Variants in CD4 observed in about 807,000 individuals in gnomAD.
CD4 encodes the protein T-cell surface glycoprotein CD4.
In CD4, 25 loss-of-function variants were observed where a neutral mutation model predicts 50.5. The ratio of observed to expected loss-of-function variants is 0.49; its 90% CI spans 0.36 to 0.69. CD4 has a LOEUF of 0.69. Among genes scored for constraint, CD4 ranks in the 30% least tolerant of loss-of-function variants. The pLI, the probability that CD4 is intolerant of heterozygous loss-of-function variation, is 0.00. For missense variants in CD4, 456 were observed against 548.5 expected, an observed-to-expected ratio of 0.83 and a Z score of 1.68; for synonymous variants, 207 against 221.9, an observed-to-expected ratio of 0.93 and a Z score of 0.60.
At chr12:6,804,111 AAAATAAATAAATAAATAAAT>A (rs141689932) in intron 3 of CD4, among the ~76,000 whole-genome samples, 30 of 144,688 alleles carry the variant, frequency 2.1e-4, no homozygotes, top group Non-Finnish European at 3.6e-4. Context: ...ACTCTGTCTC[AAAATAAATAAATAAATAAAT>A]AAATAAATAA....
At chr12:6,804,774 T>G (rs1555115894) in intron 3 of CD4, among the ~76,000 whole-genome samples, 3 of 151,944 alleles carry the variant, frequency 2.0e-5, no homozygotes, top group Non-Finnish European at 1.5e-5. Context: ...CCCAACACTT[T>G]GGGAGGCTGA....
chr12:6,818,794 C>A lies in CD4; in HGVS notation c.1279-53C>A. 1 of 1,522,826 alleles carries A rather than the reference C, an allele frequency of 6.6e-7. No individual in the cohort carries two copies. Among genetic ancestry groups the A allele is most frequent in the Non-Finnish European group, 9.1e-7 (1 of 1,096,980 alleles). 94.3% of individuals were successfully genotyped at this position (1,522,826 alleles called of 1,614,324 possible). A position where few individuals can be genotyped will look rare whatever the true frequency, so the allele number is the denominator to read the frequency against. On this transcript the variant is annotated intron_variant, in intron 8 of 9. Transcript: ENST00000011653. The surrounding 1 kb of genome is among the most constrained non-coding windows in gnomAD (Gnocchi z 5.0). ...CCCCACTCCCCCCACCAAGGGGCAC[C>A]TCCCTTCTGGAGGCCTGGGACCCTC... is the stretch of plus-strand genomic sequence containing the variant.
intron 3 of CD4, among the ~76,000 whole-genome samples, chr12:6,808,250 T>A (rs1555116524): frequency 9.3e-3 from 2 of 214 alleles, no homozygotes; most frequent in Admixed American, 0.056. Flanking sequence ...GTCAGGAGAT[T>A]GAGCCACTCT....
chr12:6,803,523 G>A (rs781862961), intron 3 of CD4, among the ~76,000 whole-genome samples: 1 of 151,234 alleles, frequency 6.6e-6, no homozygotes. Flanking sequence ...GGTGGCTCAC[G>A]CCTGTAATCC....
At chr12:6,794,600 G>A (rs1375726423) in intron 1 of CD4, among the ~76,000 whole-genome samples, 5 of 151,906 alleles carry the variant, frequency 3.3e-5, no homozygotes, top group African/African-American at 2.4e-5. Context: ...TCGTACTCCC[G>A]ACCTCAGGTG....
chr12:6,817,410 G>A (rs764154464), intron 7 of CD4, 80 bp downstream of exon 7: 7 of 1,264,120 alleles, frequency 5.5e-6, no homozygotes, highest in East Asian at 2.5e-5. Context: ...CCAGAGTCCC[G>A]GCCTCCCAAT....
chr12:6,790,259 G>A (rs1942117485), intron 1 of CD4, among the ~76,000 whole-genome samples: 1 of 152,090 alleles, frequency 6.6e-6, no homozygotes, highest in Non-Finnish European at 1.5e-5. Flanking sequence ...CATACTTGCA[G>A]CATTTCATAA....
At chr12:6,796,343 C>T (rs1183206507) in intron 1 of CD4, among the ~76,000 whole-genome samples, 2 of 152,186 alleles carry the variant, frequency 1.3e-5, no homozygotes, top group Non-Finnish European at 2.9e-5. Context: ...GCTTCAACGG[C>T]AAAGATGCCA....
chr12:6,790,382 G>A (rs758280360), intron 1 of CD4, among the ~76,000 whole-genome samples: 66 of 152,258 alleles, frequency 4.3e-4, no homozygotes, highest in Non-Finnish European at 8.2e-4. Flanking sequence ...ATGTCTAAAG[G>A]CACTTCTACT....
In CD4 at chr12:6,818,805, A is replaced by G; in HGVS notation, c.1279-42A>G. 6.4e-7 allele frequency: 1 copy of G among 1,572,910 alleles called. No individual in the cohort carries two copies. The highest frequency in any genetic ancestry group is 8.8e-7 in the Non-Finnish European group (1 of 1,142,572). On this transcript the variant is annotated intron_variant, in intron 8 of 9. Coordinates refer to ENST00000011653, the MANE Select transcript of CD4 (RefSeq NM_000616.5). This position sits in a 1 kb window ranked among gnomAD's most constrained non-coding sequence, Gnocchi z 5.0. Reference sequence around the variant, plus strand: ...CCACCAAGGGGCACCTCCCTTCTGGAGGCCTGGGACCCTCGTGACTCCCTT... The same window carrying G: ...CCACCAAGGGGCACCTCCCTTCTGGGGGCCTGGGACCCTCGTGACTCCCTT...
At chr12:6,813,548 A>G (rs1486822397) in intron 3 of CD4, 3 of 152,228 alleles carry the variant, frequency 2.0e-5, no homozygotes, top group African/African-American at 7.2e-5. Flanking sequence ...CCAAATTAGT[A>G]CACAAAGCAC....
chr12:6,800,239 A>G, intron 2 of CD4, 52 bp downstream of exon 2: 1 of 1,612,824 alleles, frequency 6.2e-7, no homozygotes, highest in Non-Finnish European at 8.5e-7. Context: ...AGGAAAGGCA[A>G]AGGTGGAGGA....
Position 6,800,974 on chromosome 12 carries a change from C to T in CD4, c.214+503C>T, listed in dbSNP as rs112365301. ...AGGCTCCAGTGCAGTGGTGTGATCTCGGCTCACTGCAATCTCCACCTCCCA... is the reference window on the plus strand; with the variant it reads ...AGGCTCCAGTGCAGTGGTGTGATCTTGGCTCACTGCAATCTCCACCTCCCA... On this transcript the variant is annotated intron_variant, in intron 3 of 9. Coordinates refer to ENST00000011653, the MANE Select transcript of CD4 (RefSeq NM_000616.5). Among the ~76,000 whole-genome samples, 1,051 of 151,304 alleles carry T rather than the reference C, an allele frequency of 6.9e-3. 6 individuals are homozygous for T. Among genetic ancestry groups the T allele is most frequent in the African/African-American group, 0.022 (905 of 41,252 alleles).
intron 7 of CD4, among the ~76,000 whole-genome samples, chr12:6,817,615 C>G (rs376483769): frequency 6.6e-6 from 1 of 152,026 alleles, no homozygotes; most frequent in East Asian, 1.9e-4. Context: ...CGAGAGCCCC[C>G]CTCCCTGGCT....
intron 4 of CD4, 126 bp downstream of exon 4, chr12:6,814,426 A>G (rs782401459): frequency 1.8e-5 from 18 of 1,006,162 alleles, no homozygotes; most frequent in Admixed American, 2.8e-5. Flanking sequence ...CAGGCTGTCA[A>G]ACTGGCCTCC....
chr12:6,814,269 G>A lies in CD4; in HGVS notation c.342G>A (p.Gln114=). 1 of 1,614,102 alleles carries A rather than the reference G, an allele frequency of 6.2e-7. No homozygotes were observed. Among genetic ancestry groups the A allele is most frequent in the Non-Finnish European group, 8.5e-7 (1 of 1,179,980 alleles). The change falls in exon 4 of 10, where the codon CAG becomes CAA. Residue 114 remains glutamine, a synonymous_variant. Transcript: ENST00000011653. ...CTTACATCTGTGAAGTGGAGGACCA[G>A]AAGGAGGAGGTGCAATTGCTAGTGT... The part of the protein sequence containing the change: ...SDTYICEVED[Q]KEEVQLLVFG...
chr12:6,818,504 C>G lies in CD4; in HGVS notation c.1240C>G (p.Leu414Val), dbSNP rs1335577758. The change falls in exon 8 of 10, where the codon CTA becomes GTA. Residue 414 changes from leucine (L) to valine (V), a missense_variant. Transcript: ENST00000011653. The surrounding 1 kb of genome is among the most constrained non-coding windows in gnomAD (Gnocchi z 5.0). ...CGCCGGCCTCCTGCTTTTCATTGGG[C>G]TAGGCATCTTCTTCTGTGTCAGGTG... is the stretch of plus-strand genomic sequence containing the variant. Reference protein sequence around the residue: ...GVAGLLLFIGLGIFFCVRCRH... With the variant: ...GVAGLLLFIGVGIFFCVRCRH... The G allele has an allele frequency of 6.2e-7, 1 of 1,613,086 alleles. No individual in the cohort carries two copies. The highest frequency in any genetic ancestry group is 1.3e-5 in the African/African-American group (1 of 75,044).
intron 3 of CD4, among the ~76,000 whole-genome samples, chr12:6,808,783 G>T (rs1555116630): frequency 6.6e-6 from 1 of 152,010 alleles, no homozygotes; most frequent in Non-Finnish European, 1.5e-5. Context: ...CTAAATTATG[G>T]TTTGCATTTT....
chr12:6,816,410 G>C lies in CD4; in HGVS notation c.955+7G>C. 1 of 1,604,506 alleles carries C rather than the reference G, an allele frequency of 6.2e-7. No individual in the cohort carries two copies. The highest frequency in any genetic ancestry group is 8.5e-7 in the Non-Finnish European group (1 of 1,173,916). On this transcript the variant is annotated splice_region_variant and intron_variant, in intron 6 of 9. Transcript: ENST00000011653. This position sits in a 1 kb window ranked among gnomAD's most constrained non-coding sequence, Gnocchi z 4.9. ...AACCTGGTGGTGATGAGAGGTGAGG[G>C]GCCAGGCCAGGGAGGGGTGGGCAGG...
Sources: allele counts gnomAD v4.1 joint callset (sites outside exome capture counted in the v4.1 genomes callset), GRCh38; gene constraint gnomAD v4.1.1; non-coding constraint Gnocchi (gnomAD v3.1); transcripts MANE v1.5; gene names NCBI Gene and HGNC (gene_info 2026-07-23, HGNC 2026-07-21).